The following GPATCH2 variants were observed in gnomAD, a reference collection of about 807,000 sequenced individuals.
GPATCH2 encodes the protein G patch domain-containing protein 2.
In GPATCH2, 51 loss-of-function variants were observed where a neutral mutation model predicts 58.0. That is an observed-to-expected ratio of 0.88 (90% confidence interval 0.70 to 1.11). The LOEUF (loss-of-function observed/expected upper bound fraction) is 1.11, where lower values mean the gene tolerates loss of function less well. Ranked by LOEUF, GPATCH2 falls within the 50% of genes most tolerant of loss-of-function variation. GPATCH2 has a pLI of 0.00. For synonymous variants in GPATCH2, 222 were observed against 218.5 expected, an observed-to-expected ratio of 1.02 and a Z score of -0.14; for missense variants, 625 against 652.2, an observed-to-expected ratio of 0.96 and a Z score of 0.45.
intron 2 of GPATCH2, among the ~76,000 whole-genome samples, 186 bp from the exon 3 acceptor site, chr1:217,614,388 T>G (rs17666909): frequency 0.046 from 6,940 of 152,104 alleles, 212 homozygotes; most frequent in Middle Eastern, 0.095. Flanking sequence ...GAGCATATTA[T>G]TTTTGGCACA....
intron 5 of GPATCH2, among the ~76,000 whole-genome samples, chr1:217,567,973 C>T (rs1357025246): frequency 6.6e-6 from 1 of 152,022 alleles, no homozygotes; most frequent in East Asian, 1.9e-4. Context: ...AAAAATTAGC[C>T]GAGCACGGTG....
In GPATCH2 at chr1:217,504,113, A is replaced by G. The variant is rs141435992; in HGVS notation, c.1167-5718T>C. 3.5e-3 allele frequency among the ~76,000 whole-genome samples: 536 copies of G among 152,320 alleles called. 2 individuals carry two copies. The highest frequency in any genetic ancestry group is 5.2e-3 in the Non-Finnish European group (353 of 68,026). ...GATGCAGGAAAGAAAGACTAATTCA[A>G]GCGCCAAAGTCCTGTACGAATGAGG... On this transcript the variant is annotated intron_variant, in intron 6 of 9. Transcript: ENST00000366935.
intron 5 of GPATCH2, among the ~76,000 whole-genome samples, chr1:217,551,279 A>G (rs1665348088): frequency 6.6e-6 from 1 of 152,100 alleles, no homozygotes; most frequent in Non-Finnish European, 1.5e-5. Context: ...CACACAGGCA[A>G]GGTATCATCA....
intron 5 of GPATCH2, among the ~76,000 whole-genome samples, chr1:217,558,317 C>A (rs866706257): frequency 3.3e-5 from 5 of 152,096 alleles, no homozygotes; most frequent in African/African-American, 1.2e-4. Context: ...GTAGTGTATA[C>A]TAAATAAATA....
At chr1:217,573,817 T>C (rs1432412268) in intron 5 of GPATCH2, among the ~76,000 whole-genome samples, 1 of 152,228 alleles carries the variant, frequency 6.6e-6, no homozygotes, top group African/African-American at 2.4e-5. Flanking sequence ...TCAGAACTGC[T>C]AGATGTCCTT....
At chr1:217,481,993 C>T (rs1227123115) in intron 8 of GPATCH2, among the ~76,000 whole-genome samples, 1 of 152,090 alleles carries the variant, frequency 6.6e-6, no homozygotes, top group Non-Finnish European at 1.5e-5. Context: ...TTGTTTATTC[C>T]TTACAACAAT....
chr1:217,598,508 A>G (rs1667962679), intron 5 of GPATCH2, among the ~76,000 whole-genome samples: 1 of 151,814 alleles, frequency 6.6e-6, no homozygotes. Flanking sequence ...GATGGAGTGC[A>G]GTGGCGCAGT....
In GPATCH2 at chr1:217,557,135, G is replaced by C. The variant is rs368416885; in HGVS notation, c.1099-42246C>G. 2.0e-3 allele frequency among the ~76,000 whole-genome samples: 298 copies of C among 152,146 alleles called. 1 individual carries two copies. The highest frequency in any genetic ancestry group is 7.0e-3 in the African/African-American group (289 of 41,516). On this transcript the variant is annotated intron_variant, in intron 5 of 9. Transcript: ENST00000366935. ...TAAAAATGTCAAGTTGGCCGGGTGCGGTGGTTCACGCCTGTAATCCCAGCA... is the reference window on the plus strand; with the variant it reads ...TAAAAATGTCAAGTTGGCCGGGTGCCGTGGTTCACGCCTGTAATCCCAGCA...
chr1:217,568,417 C>T (rs1387227283), intron 5 of GPATCH2, among the ~76,000 whole-genome samples: 1 of 152,170 alleles, frequency 6.6e-6, no homozygotes, highest in African/African-American at 2.4e-5. Flanking sequence ...TTCACGGAGC[C>T]TATATTCCAC....
chr1:217,604,275 C>G (rs1027516106), intron 5 of GPATCH2, among the ~76,000 whole-genome samples: 1 of 150,356 alleles, frequency 6.7e-6, no homozygotes. Flanking sequence ...CACTTGAACC[C>G]GGGAGGCAGA....
chr1:217,515,036 A>G (rs1663053932), intron 5 of GPATCH2, 147 bp from the exon 6 acceptor site: 2 of 594,660 alleles, frequency 3.4e-6, no homozygotes, highest in Admixed American at 5.7e-5. Flanking sequence ...GTGGATCAAA[A>G]GTATAATTTA....
chr1:217,568,096 G>A (rs983591667), intron 5 of GPATCH2, among the ~76,000 whole-genome samples: 5 of 152,026 alleles, frequency 3.3e-5, no homozygotes, highest in Admixed American at 2.6e-4. Flanking sequence ...CAGCCTGGGC[G>A]ATAGAGCAAG....
At chr1:217,489,417 A>T (rs1254870456) in intron 8 of GPATCH2, among the ~76,000 whole-genome samples, 1 of 152,230 alleles carries the variant, frequency 6.6e-6, no homozygotes, top group East Asian at 1.9e-4. Flanking sequence ...TGAAGTAGAC[A>T]TCTTAAACAA....
chr1:217,615,471 C>T (rs1369753954), intron 2 of GPATCH2, among the ~76,000 whole-genome samples: 1 of 152,002 alleles, frequency 6.6e-6, no homozygotes, highest in African/African-American at 2.4e-5. Flanking sequence ...CTCTTCTATG[C>T]ACTATAATGT....
intron 8 of GPATCH2, among the ~76,000 whole-genome samples, chr1:217,484,682 CAT>C (rs1350104244): frequency 2.2e-4 from 33 of 149,350 alleles, no homozygotes; most frequent in Non-Finnish European, 4.4e-5. Context: ...CGTGTATACA[CAT>C]ATGAACATAT....
rs1165744770 is a variant in GPATCH2 at position 217,566,075 on chromosome 1, TG to T, written c.1098+44245del. ...GAGATCATGCCATTGCACTCCAGCC[TG>T]GGCAACAAGAGCAAAACTCCGTCTC... On this transcript the variant is annotated intron_variant, in intron 5 of 9. Coordinates refer to ENST00000366935, the MANE Select transcript of GPATCH2 (RefSeq NM_018040.5). Among the ~76,000 whole-genome samples the T allele has an allele frequency of 7.7e-5, 9 of 117,194 alleles. No homozygotes were observed. In the East Asian group the frequency reaches 2.3e-3, roughly 30 times the overall value. The allele number at this position is 117,194 out of a possible 152,430, so 76.9% of individuals were successfully genotyped here. A position where few individuals can be genotyped will look rare whatever the true frequency, so the allele number is the denominator to read the frequency against.
chr1:217,497,912 A>T (rs1038111551), intron 7 of GPATCH2, among the ~76,000 whole-genome samples: 6 of 152,202 alleles, frequency 3.9e-5, no homozygotes, highest in Non-Finnish European at 7.3e-5. Flanking sequence ...TAAGAAATTT[A>T]AAAAAATTCA....
chr1:217,565,084 A>C (rs1666149730), intron 5 of GPATCH2, among the ~76,000 whole-genome samples: 2 of 152,154 alleles, frequency 1.3e-5, no homozygotes, highest in Admixed American at 6.5e-5. Flanking sequence ...TTTACATTCA[A>C]CTCTAAAAGG....
chr1:217,493,800 T>G (rs896470027), intron 7 of GPATCH2, among the ~76,000 whole-genome samples: 6 of 152,172 alleles, frequency 3.9e-5, no homozygotes, highest in Non-Finnish European at 8.8e-5. Context: ...AGAAGTAAGA[T>G]GATGAAATCT....
Sources: allele counts gnomAD v4.1 joint callset (sites outside exome capture counted in the v4.1 genomes callset), GRCh38; gene constraint gnomAD v4.1.1; transcripts MANE v1.5; gene names NCBI Gene and HGNC (gene_info 2026-07-23, HGNC 2026-07-21).